Variants in RETREG1 observed in about 807,000 individuals in gnomAD.
RETREG1 encodes family with sequence similarity 134 member B.
RETREG1 carries 44 observed loss-of-function variants against 54.8 expected under a neutral mutation model. The observed-to-expected ratio is 0.80, with a 90% confidence interval of 0.63 to 1.03. The LOEUF (loss-of-function observed/expected upper bound fraction) is 1.03, where lower values mean the gene tolerates loss of function less well. RETREG1 is among the 50% of genes least tolerant of loss of function. The pLI, the probability that RETREG1 is intolerant of heterozygous loss-of-function variation, is 0.00. For missense variants in RETREG1, 554 were observed against 605.1 expected, an observed-to-expected ratio of 0.92 and a Z score of 0.89; for synonymous variants, 217 against 238.5, an observed-to-expected ratio of 0.91 and a Z score of 0.83.
chr5:16,565,710 C>G, intron 3 of RETREG1, 53 bp downstream of exon 3: 61 of 1,538,914 alleles, frequency 4.0e-5, no homozygotes, highest in Non-Finnish European at 4.9e-5. Flanking sequence ...GTGGCTCAGT[C>G]CCCTCCCTCA....
chr5:16,611,252 C>T (rs1356125785), intron 1 of RETREG1, among the ~76,000 whole-genome samples: 4 of 152,052 alleles, frequency 2.6e-5, no homozygotes, highest in Non-Finnish European at 5.9e-5. Context: ...CAGGGCCTGT[C>T]ATGGGGTCGG....
intron 1 of RETREG1, among the ~76,000 whole-genome samples, chr5:16,608,556 C>T (rs920339829): frequency 3.9e-5 from 6 of 152,236 alleles, no homozygotes; most frequent in Admixed American, 3.9e-4. Context: ...GCCCTGGAGA[C>T]CATGACATGC....
chr5:16,590,825 CACACACATGCAA>C (rs1224226014), intron 1 of RETREG1, among the ~76,000 whole-genome samples: 1 of 147,692 alleles, frequency 6.8e-6, no homozygotes, highest in Non-Finnish European at 1.5e-5. Flanking sequence ...GACATGCAAA[CACACACATGCAA>C]ACACACATGC....
intron 1 of RETREG1, among the ~76,000 whole-genome samples, chr5:16,576,890 T>C (rs1327182360): frequency 6.6e-6 from 1 of 151,406 alleles, no homozygotes; most frequent in African/African-American, 2.4e-5. Flanking sequence ...CCTGGGATTA[T>C]AGGCAGGAGC....
At chr5:16,519,762 ATAAC>A (rs2126578958) in intron 3 of RETREG1, among the ~76,000 whole-genome samples, 1 of 152,300 alleles carries the variant, frequency 6.6e-6, no homozygotes, top group South Asian at 2.1e-4. Context: ...TTGTGCTGGT[ATAAC>A]TATTAACAGG....
At chr5:16,559,869 G>A (rs1264769113) in intron 3 of RETREG1, among the ~76,000 whole-genome samples, 3 of 152,198 alleles carry the variant, frequency 2.0e-5, no homozygotes, top group Non-Finnish European at 4.4e-5. Flanking sequence ...CTATGGATCA[G>A]GTTTCAATTC....
At chr5:16,513,951 C>A (rs1740266326) in intron 3 of RETREG1, among the ~76,000 whole-genome samples, 1 of 152,170 alleles carries the variant, frequency 6.6e-6, no homozygotes, top group South Asian at 2.1e-4. Context: ...TTTAAAAATT[C>A]ATATTGTGTT....
chr5:16,573,299 C>T (rs1307589299), intron 1 of RETREG1, among the ~76,000 whole-genome samples: 2 of 145,570 alleles, frequency 1.4e-5, no homozygotes, highest in Admixed American at 7.0e-5. Context: ...TGCAGGGAAA[C>T]AAACTAAAAA....
chr5:16,479,055 TCAC>T, intron 5 of RETREG1, 68 bp from the exon 6 acceptor site: 1 of 1,461,050 alleles, frequency 6.8e-7, no homozygotes, highest in African/African-American at 1.4e-5. Flanking sequence ...TTTCAGTATT[TCAC>T]AAAATACTAC....
chr5:16,513,603 A>G (rs1740251750), intron 3 of RETREG1, among the ~76,000 whole-genome samples: 1 of 152,236 alleles, frequency 6.6e-6, no homozygotes, highest in Non-Finnish European at 1.5e-5. Flanking sequence ...CACTAGAGGA[A>G]GCCCCAAAGC....
At chr5:16,516,574 A>T (rs1740363280) in intron 3 of RETREG1, among the ~76,000 whole-genome samples, 1 of 152,212 alleles carries the variant, frequency 6.6e-6, no homozygotes, top group African/African-American at 2.4e-5. Context: ...GTACAAGTGA[A>T]GTCTGAGAAT....
chr5:16,562,579 C>T (rs896181856), intron 3 of RETREG1, among the ~76,000 whole-genome samples: 1 of 152,198 alleles, frequency 6.6e-6, no homozygotes, highest in Non-Finnish European at 1.5e-5. Flanking sequence ...ACCTGACAAA[C>T]ACTACTTCAG....
intron 1 of RETREG1, among the ~76,000 whole-genome samples, chr5:16,573,336 C>T (rs1367628018): frequency 6.6e-6 from 1 of 152,080 alleles, no homozygotes; most frequent in Admixed American, 6.5e-5. Context: ...GCACACAAAC[C>T]CTGCAGTGCT....
intron 3 of RETREG1, among the ~76,000 whole-genome samples, chr5:16,555,554 T>C (rs1441228997): frequency 6.6e-6 from 1 of 152,198 alleles, no homozygotes; most frequent in African/African-American, 2.4e-5. Context: ...AACAAACACA[T>C]ATGTCATTCT....
At chr5:16,500,210 C>A (rs1203560614) in intron 3 of RETREG1, among the ~76,000 whole-genome samples, 2 of 152,220 alleles carry the variant, frequency 1.3e-5, no homozygotes, top group Non-Finnish European at 2.9e-5. Context: ...CTGGAACATT[C>A]CCTACACCAC....
In RETREG1 at chr5:16,474,583, A is replaced by G; in HGVS notation, c.*158T>C. ...TATCAATCTATCAGTGTCAGCTGAT[A>G]TATATCCAATTAATTCACTGCAGGA... On this transcript the variant is annotated 3_prime_UTR_variant, in exon 9 of 9. Transcript: ENST00000306320. 1.3e-6 allele frequency: 1 copy of G among 793,420 alleles called. No homozygotes were observed. The highest frequency in any genetic ancestry group is 2.0e-6 in the Non-Finnish European group (1 of 509,564). The allele number at this position is 793,420 out of a possible 1,614,324, so 49.1% of individuals were successfully genotyped here. A position where few individuals can be genotyped will look rare whatever the true frequency, so the allele number is the denominator to read the frequency against.
Position 16,616,765 on chromosome 5 carries a change from G to C in RETREG1, c.207C>G (p.Thr69=), listed in dbSNP as rs761759311. ...ACAGCACCGGCTCCCCGAGCAGCCA[G>C]GTTACCGCGGCCGCCGCCCGGCCCG... ...EAAGRAAAAV[T]WLLGEPVLWL... The change falls in exon 1 of 9, where the codon ACC becomes ACG. Residue 69 remains threonine (T), a synonymous_variant. Transcript: ENST00000306320. 3.7e-5 allele frequency: 57 copies of C among 1,551,432 alleles called. 1 individual carries two copies. In the African/African-American group the frequency reaches 5.5e-4, roughly 15 times the overall value.
At chr5:16,515,899 A>G (rs1740336966) in intron 3 of RETREG1, among the ~76,000 whole-genome samples, 1 of 152,164 alleles carries the variant, frequency 6.6e-6, no homozygotes, top group Non-Finnish European at 1.5e-5. Context: ...ATTTGAGGCT[A>G]TTCAGAGTAG....
rs11303408 is a variant in RETREG1, at chr5:16,573,180, C to CAAAAAAAAAA, written c.321-1088_321-1079dup. On this transcript the variant is annotated intron_variant, in intron 1 of 8. Coordinates refer to ENST00000306320, the MANE Select transcript of RETREG1 (RefSeq NM_001034850.3). ...CTGGTGAGAGAGTGAGATTCTGTCT[C>CAAAAAAAAAA]AAAAAAAAAAAAAAAAAAAAAAAAA... is the stretch of plus-strand genomic sequence containing the variant. Among the ~76,000 whole-genome samples the CAAAAAAAAAA allele has an allele frequency of 4.4e-5, 2 of 45,146 alleles. 1 individual carries two copies. Among genetic ancestry groups the CAAAAAAAAAA allele is most frequent in the African/African-American group, 1.5e-4 (2 of 13,436 alleles). The allele number at this position is 45,146 out of a possible 152,430, so 29.6% of individuals were successfully genotyped here. A position where few individuals can be genotyped will look rare whatever the true frequency, so the allele number is the denominator to read the frequency against.
Sources: gnomAD v4.1 joint callset for allele counts (sites outside exome capture counted in the v4.1 genomes callset) on GRCh38, gnomAD v4.1.1 for gene constraint, MANE v1.5 for transcripts, NCBI Gene and HGNC (gene_info 2026-07-23, HGNC 2026-07-21) for gene names.